Variants in C17orf75 observed in about 807,000 individuals in gnomAD.
C17orf75 encodes the protein protein Njmu-R1.
C17orf75 carries 32 observed loss-of-function variants against 49.6 expected under a neutral mutation model. That is an observed-to-expected ratio of 0.65 (90% CI 0.49 to 0.87). The LOEUF (loss-of-function observed/expected upper bound fraction) is 0.87, where lower values mean the gene tolerates loss of function less well. Ranked by LOEUF, C17orf75 falls within the 40% of genes least tolerant of loss-of-function variation. The pLI, the probability that C17orf75 is intolerant of heterozygous loss-of-function variation, is 0.00. For missense variants in C17orf75, 428 were observed against 473.9 expected, an observed-to-expected ratio of 0.90 and a Z score of 0.90; for synonymous variants, 158 against 159.5, an observed-to-expected ratio of 0.99 and a Z score of 0.07.
chr17:32,339,715 C>T, intron 3 of C17orf75, 98 bp downstream of exon 3: 1 of 1,481,924 alleles, frequency 6.7e-7, no homozygotes, highest in Non-Finnish European at 9.1e-7. Flanking sequence ...AAGACAAATT[C>T]TGCAGGTCTA....
upstream of C17orf75, chr17:32,342,405 T>C: frequency 2.7e-6 from 1 of 370,966 alleles, no homozygotes; most frequent in Non-Finnish European, 4.5e-6. Context: ...AAACTTTCTA[T>C]GTGATAAAGG....
Position 32,331,842 on chromosome 17 carries a change from T to C in C17orf75, c.1112A>G (p.His371Arg). The change falls in exon 10 of 10, where the codon CAT becomes CGT. Residue 371 changes from histidine to arginine, a missense_variant. His to Arg is a conservative substitution (Grantham distance 29). Transcript: ENST00000577809. ...DILLKIVKVEHEEMPEAKNVI... is the reference protein window; with the variant it reads ...DILLKIVKVEREEMPEAKNVI... Reference sequence around the variant, plus strand: ...ATTTTTGGCTTCAGGCATTTCTTCATGTTCCACTTTAACAATCTTCAAAAG... The same window carrying C: ...ATTTTTGGCTTCAGGCATTTCTTCACGTTCCACTTTAACAATCTTCAAAAG... The C allele has an allele frequency of 1.2e-6, 2 of 1,613,810 alleles. No homozygotes were observed. Among genetic ancestry groups the C allele is most frequent in the Non-Finnish European group, 1.7e-6 (2 of 1,179,790 alleles).
chr17:32,339,342 A>C (rs1288452822), intron 3 of C17orf75, among the ~76,000 whole-genome samples: 1 of 151,998 alleles, frequency 6.6e-6, no homozygotes, highest in Non-Finnish European at 1.5e-5. Flanking sequence ...AGTTTTAATA[A>C]TCAACACTTT....
chr17:32,337,809 G>T, intron 5 of C17orf75, 88 bp downstream of exon 5: 1 of 1,153,708 alleles, frequency 8.7e-7, no homozygotes, highest in South Asian at 1.4e-5. Context: ...TGCCCACCTC[G>T]GCCTCCCAAA....
chr17:32,331,361 AT>A lies in C17orf75; in HGVS notation c.*401del, dbSNP rs11298787. On this transcript the variant is annotated 3_prime_UTR_variant, in exon 10 of 10. Transcript: ENST00000577809. ...TAATCTGTTCTAAGACTAGAATTAC[AT>A]TTTTTTTTTTAAGAAGCTACAGTCC... The A allele has an allele frequency of 0.59, 102,521 of 174,274 alleles. 30,881 individuals carry two copies. Among genetic ancestry groups the A allele is most frequent in the African/African-American group, 0.7 (29,097 of 41,574 alleles). 10.8% of individuals were successfully genotyped at this position (174,274 alleles called of 1,614,324 possible). A position where few individuals can be genotyped will look rare whatever the true frequency, so the allele number is the denominator to read the frequency against.
At chr17:32,346,083 G>A (rs575784832), upstream of C17orf75, among the ~76,000 whole-genome samples, 3 of 152,004 alleles carry the variant, frequency 2.0e-5, no homozygotes, top group South Asian at 2.1e-4. Context: ...ATCCATGGCC[G>A]CATGGATCAT....
Position 32,331,665 on chromosome 17 carries a change from C to A in C17orf75, c.*98G>T. 2.1e-6 allele frequency: 2 copies of A among 966,420 alleles called. No individual in the cohort carries two copies. Among genetic ancestry groups the A allele is most frequent in the East Asian group, 2.5e-5 (1 of 40,032 alleles). The allele number at this position is 966,420 out of a possible 1,614,324, so 59.9% of individuals were successfully genotyped here. On this transcript the variant is annotated 3_prime_UTR_variant, in exon 10 of 10. Coordinates refer to ENST00000577809, the MANE Select transcript of C17orf75 (RefSeq NM_022344.4). ...AGAAAATCTGGATTGAGTTTCAAAT[C>A]ATCTTAAATAGCAATCCTATGAACA...
upstream of C17orf75, among the ~76,000 whole-genome samples, chr17:32,344,957 C>T (rs894189935): frequency 5.3e-5 from 8 of 151,514 alleles, no homozygotes; most frequent in Non-Finnish European, 8.9e-5. Flanking sequence ...TAATAGAGTC[C>T]CCCCCAACAA....
upstream of C17orf75, among the ~76,000 whole-genome samples, chr17:32,344,930 A>C (rs1461454342): frequency 6.6e-6 from 1 of 151,974 alleles, no homozygotes; most frequent in Non-Finnish European, 1.5e-5. Context: ...TAAAAATAAA[A>C]AAAGAAAGAA....
intron 8 of C17orf75, among the ~76,000 whole-genome samples, 164 bp from the exon 9 acceptor site, chr17:32,333,684 G>A (rs2041298463): frequency 6.6e-6 from 1 of 152,114 alleles, no homozygotes; most frequent in African/African-American, 2.4e-5. Context: ...GGCCAGGCTG[G>A]TCTCAAACTC....
upstream of C17orf75, among the ~76,000 whole-genome samples, chr17:32,346,591 TG>T (rs2041427094): frequency 6.6e-6 from 1 of 152,218 alleles, no homozygotes; most frequent in Admixed American, 6.5e-5. Context: ...TGTTTTTTTT[TG>T]AGACGCAGTC....
chr17:32,335,622 G>T (rs1307145984), intron 5 of C17orf75, among the ~76,000 whole-genome samples, 180 bp from the exon 6 acceptor site: 2 of 152,110 alleles, frequency 1.3e-5, no homozygotes, highest in Non-Finnish European at 2.9e-5. Context: ...TGTTGGGCAG[G>T]GTGAGGGTTA....
rs958295055 is a variant in C17orf75 at position 32,330,852 on chromosome 17, A to C, written c.*911T>G. On this transcript the variant is annotated 3_prime_UTR_variant, in exon 10 of 10. Coordinates refer to ENST00000577809, the MANE Select transcript of C17orf75 (RefSeq NM_022344.4). ...TCTGCAGTAGCTTTCTCTCAGAGAT[A>C]ATTATTTTTTTTTTTGAGACAGAGT... 6.6e-6 allele frequency: 1 copy of C among 151,978 alleles called. No homozygotes were observed. Among genetic ancestry groups the C allele is most frequent in the Non-Finnish European group, 1.5e-5 (1 of 67,992 alleles). 9.4% of individuals were successfully genotyped at this position (151,978 alleles called of 1,614,324 possible).
intron 5 of C17orf75, among the ~76,000 whole-genome samples, chr17:32,337,418 G>A (rs757438629): frequency 2.0e-5 from 3 of 151,414 alleles, no homozygotes; most frequent in Non-Finnish European, 4.4e-5. Flanking sequence ...GAGCCTGATC[G>A]CGCCACTGCC....
intron 5 of C17orf75, 121 bp downstream of exon 5, chr17:32,337,776 G>T: frequency 2.7e-6 from 2 of 753,732 alleles, no homozygotes; most frequent in Non-Finnish European, 4.3e-6. Flanking sequence ...ATATTGACCA[G>T]GCTGGTCTCT....
At chr17:32,333,645 C>T (rs1264870256) in intron 8 of C17orf75, 125 bp from the exon 9 acceptor site, 14 of 759,516 alleles carry the variant, frequency 1.8e-5, no homozygotes, top group East Asian at 1.2e-4. Flanking sequence ...CTAACTATAT[C>T]GTTAGTAGAG....
chr17:32,339,616 C>T (rs899088443), intron 3 of C17orf75, among the ~76,000 whole-genome samples, 197 bp downstream of exon 3: 1 of 152,010 alleles, frequency 6.6e-6, no homozygotes, highest in African/African-American at 2.4e-5. Flanking sequence ...AAATAAAGTG[C>T]AATTGGGTGC....
chr17:32,339,298 A>G (rs2150777752), intron 3 of C17orf75, among the ~76,000 whole-genome samples: 1 of 152,206 alleles, frequency 6.6e-6, no homozygotes, highest in Admixed American at 6.5e-5. Context: ...AAACTACATA[A>G]AAGTTTGTGA....
intron 5 of C17orf75, 116 bp downstream of exon 5, chr17:32,337,781 G>C: frequency 1.2e-6 from 1 of 804,334 alleles, no homozygotes; most frequent in South Asian, 1.7e-5. Context: ...GACCAGGCTG[G>C]TCTCTGACCT....
Sources: gnomAD v4.1 joint callset for allele counts (sites outside exome capture counted in the v4.1 genomes callset) on GRCh38, gnomAD v4.1.1 for gene constraint, MANE v1.5 for transcripts, NCBI Gene and HGNC (gene_info 2026-07-23, HGNC 2026-07-21) for gene names.